The following PTK2 variants were observed in gnomAD, a reference collection of about 807,000 sequenced individuals.
PTK2 encodes the protein protein tyrosine kinase 2.
Under a neutral mutation model 150.1 loss-of-function variants are expected in PTK2, and 45 were observed. The observed-to-expected ratio is 0.30, with a 90% CI of 0.24 to 0.38. PTK2 has a LOEUF of 0.38. Among genes scored for constraint, PTK2 ranks in the 10% least tolerant of loss-of-function variants. PTK2 has a pLI of 1.00. For synonymous variants in PTK2, 432 were observed against 449.2 expected, an observed-to-expected ratio of 0.96 and a Z score of 0.48; for missense variants, 919 against 1,307.3, an observed-to-expected ratio of 0.70 and a Z score of 4.58.
At chr8:140,844,152 T>C (rs182518585) in intron 7 of PTK2, among the ~76,000 whole-genome samples, 1 of 152,296 alleles carries the variant, frequency 6.6e-6, no homozygotes, top group East Asian at 1.9e-4. Context: ...AGAGGTAAAG[T>C]GCCTTTCTCA....
At chr8:140,782,821 T>C (rs907741028) in intron 14 of PTK2, among the ~76,000 whole-genome samples, 1 of 152,014 alleles carries the variant, frequency 6.6e-6, no homozygotes, top group Non-Finnish European at 1.5e-5. Flanking sequence ...CTTCTGAGAG[T>C]TGGAACTGAG....
chr8:140,701,119 C>T (rs1012904328), intron 25 of PTK2, 97 bp from the exon 29 acceptor site: 18 of 1,351,370 alleles, frequency 1.3e-5, no homozygotes, highest in Non-Finnish European at 1.7e-5. Flanking sequence ...ATAAGCAAAA[C>T]AGCAAGTATG....
At chr8:140,661,766 TGA>T (rs1464569274) in intron 31 of PTK2, among the ~76,000 whole-genome samples, 3 of 151,962 alleles carry the variant, frequency 2.0e-5, no homozygotes, top group Admixed American at 6.6e-5. Flanking sequence ...GAGTTAGGAC[TGA>T]GGGGAAAGCA....
intron 7 of PTK2, among the ~76,000 whole-genome samples, chr8:140,837,271 AC>A (rs1273120166): frequency 2.0e-5 from 3 of 152,158 alleles, no homozygotes; most frequent in African/African-American, 7.2e-5. Flanking sequence ...TCCTTTGCCT[AC>A]AAAAAAAGTA....
At chr8:140,847,305 A>G (rs1398013530) in intron 5 of PTK2, among the ~76,000 whole-genome samples, 2 of 152,234 alleles carry the variant, frequency 1.3e-5, no homozygotes, top group Admixed American at 1.3e-4. Flanking sequence ...ATTAATCTGC[A>G]AAGTAATACA....
chr8:140,933,540 G>T (rs1173289054), intron 1 of PTK2, among the ~76,000 whole-genome samples: 1 of 152,206 alleles, frequency 6.6e-6, no homozygotes, highest in East Asian at 1.9e-4. Context: ...GTATAAAGGT[G>T]TATTTATTGT....
rs1460158035 is a variant in PTK2 at position 140,959,518 on chromosome 8, G to A, written c.-121-33769C>T. Reference sequence around the variant, plus strand: ...CACGACACTGCACTCCAGCCTGGGCGACACAGCAAGACTCTGTCTCAAAAA... The same window carrying A: ...CACGACACTGCACTCCAGCCTGGGCAACACAGCAAGACTCTGTCTCAAAAA... On this transcript the variant is annotated intron_variant, in intron 1 of 31. Transcript: ENST00000522684. Among the ~76,000 whole-genome samples the A allele has an allele frequency of 2.1e-4, 28 of 135,442 alleles. 1 individual carries two copies. The highest frequency in any genetic ancestry group is 2.4e-4 in the South Asian group (1 of 4,232). The allele number at this position is 135,442 out of a possible 152,430, so 88.9% of individuals were successfully genotyped here.
chr8:140,881,649 A>G (rs1206091160), intron 3 of PTK2, among the ~76,000 whole-genome samples: 3 of 152,198 alleles, frequency 2.0e-5, no homozygotes, highest in Non-Finnish European at 2.9e-5. Context: ...TGTTGAATAT[A>G]AGGCAGTAAG....
At chr8:140,833,494 C>T (rs1009359392) in intron 7 of PTK2, among the ~76,000 whole-genome samples, 1 of 152,178 alleles carries the variant, frequency 6.6e-6, no homozygotes, top group Non-Finnish European at 1.5e-5. Flanking sequence ...AAATTTAAAG[C>T]CTTAGGAAAC....
At chr8:140,999,531 A>C (rs149408566) in intron 1 of PTK2, among the ~76,000 whole-genome samples, 22 of 152,360 alleles carry the variant, frequency 1.4e-4, no homozygotes, top group African/African-American at 4.8e-4. Flanking sequence ...TTGTTTGAAT[A>C]TCATAGGGCT....
At chr8:140,879,772 A>T in intron 3 of PTK2, 135 bp from the exon 4 acceptor site, 1 of 710,640 alleles carries the variant, frequency 1.4e-6, no homozygotes, top group Non-Finnish European at 2.0e-6. Flanking sequence ...CATTTCTTTT[A>T]GTCAATTATC....
intron 2 of PTK2, among the ~76,000 whole-genome samples, chr8:140,896,666 A>T (rs1336157661): frequency 6.6e-6 from 1 of 152,166 alleles, no homozygotes; most frequent in African/African-American, 2.4e-5. Flanking sequence ...CTAGTGGGAA[A>T]AAAACTTCCC....
chr8:140,750,660 T>A (rs1593723559), intron 17 of PTK2, among the ~76,000 whole-genome samples: 5 of 152,114 alleles, frequency 3.3e-5, no homozygotes, highest in Admixed American at 3.3e-4. Flanking sequence ...AAGGAAGAGC[T>A]TGATGTGGAC....
Position 140,878,968 on chromosome 8 carries a change from C to T in PTK2, c.362+503G>A, listed in dbSNP as rs58002307. 4.2e-3 allele frequency among the ~76,000 whole-genome samples: 642 copies of T among 152,032 alleles called. 9 individuals are homozygous for T. The highest frequency in any genetic ancestry group is 0.015 in the African/African-American group (603 of 41,444). On this transcript the variant is annotated intron_variant, in intron 4 of 31. Coordinates refer to ENST00000522684, the Ensembl canonical transcript of PTK2. The stretch of plus-strand genomic sequence containing the variant: ...TTCAACAGGAGTCATTAAGAGATTA[C>T]GTCCTAATTTTAACGTTGCATGTGA...
rs55646639 is a variant in PTK2, at chr8:140,689,122, T to C, written c.2500-2428A>G. ...AAGGAAACCAAGCAAACACACGTAATACATTGATTCCAACTGGCAACTGAA... is the reference window on the plus strand; with the variant it reads ...AAGGAAACCAAGCAAACACACGTAACACATTGATTCCAACTGGCAACTGAA... On this transcript the variant is annotated intron_variant, in intron 26 of 31. Transcript: ENST00000522684. Among the ~76,000 whole-genome samples, 878 of 152,276 alleles carry C rather than the reference T, an allele frequency of 5.8e-3. 4 individuals are homozygous for C. The highest frequency in any genetic ancestry group is 9.4e-3 in the Non-Finnish European group (639 of 68,024).
chr8:140,768,876 T>C (rs1487766900), intron 14 of PTK2, among the ~76,000 whole-genome samples: 1 of 152,170 alleles, frequency 6.6e-6, no homozygotes, highest in Non-Finnish European at 1.5e-5. Flanking sequence ...TCTATCCTAT[T>C]ACAAAAATGA....
Position 140,991,233 on chromosome 8 carries a change from T to C in PTK2, c.-122+9892A>G, listed in dbSNP as rs1181606721. ...ATTCACACAATACAGCTTCATTAGT[T>C]ACCCCAAGACTTGGCAATCACCCTG... On this transcript the variant is annotated intron_variant, in intron 1 of 31. Transcript: ENST00000522684. 3.3e-5 allele frequency among the ~76,000 whole-genome samples: 5 copies of C among 152,326 alleles called. No individual in the cohort carries two copies. In the East Asian group the frequency reaches 7.7e-4, roughly 24 times the overall value.
intron 31 of PTK2, chr8:140,662,882 G>A: frequency 4.8e-6 from 2 of 416,004 alleles, no homozygotes; most frequent in Non-Finnish European, 8.5e-6. Context: ...TAAAATCACT[G>A]AGCCTATGTT....
intron 1 of PTK2, among the ~76,000 whole-genome samples, chr8:140,945,911 C>T (rs1184636855): frequency 6.6e-6 from 1 of 152,174 alleles, no homozygotes; most frequent in Non-Finnish European, 1.5e-5. Context: ...ACATCATCTC[C>T]ATTCCTCCTC....
Sources: allele counts gnomAD v4.1 joint callset (sites outside exome capture counted in the v4.1 genomes callset), GRCh38; gene constraint gnomAD v4.1.1; transcripts MANE v1.5; gene names NCBI Gene and HGNC (gene_info 2026-07-23, HGNC 2026-07-21).